The following RARA variants were observed in gnomAD, a reference collection of about 807,000 sequenced individuals.
RARA encodes retinoic acid receptor alpha, also known as PML-DDX5-RARA fusion.
A neutral mutation model predicts 42.8 loss-of-function variants in RARA; 5 were observed. The ratio of observed to expected loss-of-function variants is 0.12; its 90% CI spans 0.06 to 0.25. The LOEUF (loss-of-function observed/expected upper bound fraction) is 0.25. Ranked by LOEUF, RARA falls within the 10% of genes least tolerant of loss-of-function variation. The probability of loss-of-function intolerance (pLI) is 1.00; values close to 1 mark genes in which losing one functional copy is unlikely to be tolerated. For synonymous variants in RARA, 256 were observed against 259.5 expected, an observed-to-expected ratio of 0.99 and a Z score of 0.13; for missense variants, 402 against 628.7, an observed-to-expected ratio of 0.64 and a Z score of 3.86.
chr17:40,325,156 C>G (rs1485707139), intron 1 of RARA, among the ~76,000 whole-genome samples: 2 of 151,916 alleles, frequency 1.3e-5, no homozygotes, highest in East Asian at 3.9e-4. Context: ...GAGGATGAGG[C>G]AGGAGAATCG....
At chr17:40,315,323 G>A (rs1194475502) in intron 1 of RARA, among the ~76,000 whole-genome samples, 1 of 151,632 alleles carries the variant, frequency 6.6e-6, no homozygotes, top group Non-Finnish European at 1.5e-5. Context: ...TAGAATTAAA[G>A]GTGTGAGCCA....
In RARA at chr17:40,352,088, C is replaced by T; in HGVS notation, c.630+18C>T. 2 of 1,542,588 alleles carry T rather than the reference C, an allele frequency of 1.3e-6. No individual in the cohort carries two copies. Among genetic ancestry groups the T allele is most frequent in the Non-Finnish European group, 1.7e-6 (2 of 1,151,140 alleles). On this transcript the variant is annotated intron_variant, in intron 5 of 8. Transcript: ENST00000254066. The surrounding 1 kb of genome is among the most constrained non-coding windows in gnomAD (Gnocchi z 4.9). Reference sequence around the variant, plus strand: ...ACACTACGGTATGGCTTTCCCCCGGCCTGCAGGGTGGGATTTGCCCAGGGC... The same window carrying T: ...ACACTACGGTATGGCTTTCCCCCGGTCTGCAGGGTGGGATTTGCCCAGGGC...
chr17:40,344,715 GTC>G (rs2143420777), intron 2 of RARA, among the ~76,000 whole-genome samples: 1 of 152,346 alleles, frequency 6.6e-6, no homozygotes, highest in African/African-American at 2.4e-5. Flanking sequence ...AGTTCCCGTA[GTC>G]TGAGCGTGGG....
intron 2 of RARA, among the ~76,000 whole-genome samples, chr17:40,333,572 G>A (rs1278264124): frequency 6.6e-6 from 1 of 151,350 alleles, no homozygotes; most frequent in Non-Finnish European, 1.5e-5. Flanking sequence ...CTGGCCTCAA[G>A]TCATCTGCCC....
At chr17:40,342,374 T>C (rs973358191) in intron 2 of RARA, 1 of 1,100,586 alleles carries the variant, frequency 9.1e-7, no homozygotes. Context: ...GCCGCTGTAC[T>C]CTGCCTCGGA....
Position 40,326,074 on chromosome 17 carries a change from A to G in RARA, c.-362-4783A>G, listed in dbSNP as rs2033537672. ...ACACCCCGAATATCCCTTTCCCCACATCCCTCTCCTCCATCCGAGGGAAGC... is the reference window on the plus strand; with the variant it reads ...ACACCCCGAATATCCCTTTCCCCACGTCCCTCTCCTCCATCCGAGGGAAGC... On this transcript the variant is annotated intron_variant, in intron 1 of 8. Transcript: ENST00000254066. The surrounding 1 kb of genome is among the most constrained non-coding windows in gnomAD (Gnocchi z 5.2). 6.6e-6 allele frequency among the ~76,000 whole-genome samples: 1 copy of G among 152,202 alleles called. No homozygotes were observed. The highest frequency in any genetic ancestry group is 2.4e-5 in the African/African-American group (1 of 41,456).
chr17:40,347,713 C>T (rs145673048), intron 2 of RARA, among the ~76,000 whole-genome samples: 11 of 152,104 alleles, frequency 7.2e-5, no homozygotes, highest in African/African-American at 1.7e-4. Context: ...CAGGGAGACA[C>T]CTCCTACTGT....
chr17:40,341,271 T>G, intron 2 of RARA: 1 of 1,340,758 alleles, frequency 7.5e-7, no homozygotes, highest in African/African-American at 1.5e-5. Context: ...AGGAGACACC[T>G]TGGGCGGGGC....
chr17:40,354,394 T>C lies in RARA; in HGVS notation c.900T>C (p.Ala300=). The stretch of plus-strand genomic sequence containing the variant: ...TGAACCGGACCCAGATGCACAACGC[T>C]GGCTTCGGCCCCCTCACCGACCTGG... The part of the protein sequence containing the change: ...LTLNRTQMHN[A]GFGPLTDLVF... Residue 300 remains alanine, a synonymous_variant, in exon 7 of 9, where the codon GCT becomes GCC. Coordinates refer to ENST00000254066, the MANE Select transcript of RARA (RefSeq NM_000964.4). The surrounding 1 kb of genome is among the most constrained non-coding windows in gnomAD (Gnocchi z 4.5). 6.2e-7 allele frequency: 1 copy of C among 1,614,210 alleles called. No homozygotes were observed. Among genetic ancestry groups the C allele is most frequent in the Non-Finnish European group, 8.5e-7 (1 of 1,180,036 alleles).
rs956783037 is a variant in RARA, at chr17:40,354,412, C to T, written c.918C>T (p.Thr306=). Residue 306 remains threonine (T), a synonymous_variant, in exon 7 of 9, where the codon ACC becomes ACT. Transcript: ENST00000254066. The surrounding 1 kb of genome is among the most constrained non-coding windows in gnomAD (Gnocchi z 4.5). ...ACAACGCTGGCTTCGGCCCCCTCAC[C>T]GACCTGGTCTTTGCCTTCGCCAACC... ...QMHNAGFGPL[T]DLVFAFANQL... is the part of the protein sequence containing the mutation. 2.0e-5 allele frequency: 32 copies of T among 1,614,052 alleles called. No homozygotes were observed. The highest frequency in any genetic ancestry group is 1.3e-4 in the Admixed American group (8 of 60,010).
chr17:40,355,911 C>T lies in RARA; in HGVS notation c.1172-98C>T. 9.9e-7 allele frequency: 1 copy of T among 1,005,942 alleles called. No homozygotes were observed. Among genetic ancestry groups the T allele is most frequent in the South Asian group, 1.6e-5 (1 of 61,930 alleles). 62.3% of individuals were successfully genotyped at this position (1,005,942 alleles called of 1,614,324 possible). A position where few individuals can be genotyped will look rare whatever the true frequency, so the allele number is the denominator to read the frequency against. On this transcript the variant is annotated intron_variant, in intron 8 of 8. Transcript: ENST00000254066. This position sits in a 1 kb window ranked among gnomAD's most constrained non-coding sequence, Gnocchi z 4.1. The stretch of plus-strand genomic sequence containing the variant: ...TGAATCCCAAGAAAGATGCTAATAT[C>T]AGCAGTATTGATCTTCCCACCTCGA...
Position 40,356,516 on chromosome 17 carries a change from C to T in RARA, c.*290C>T, listed in dbSNP as rs929787594. 3.1e-6 allele frequency: 2 copies of T among 654,642 alleles called. No homozygotes were observed. The highest frequency in any genetic ancestry group is 5.7e-6 in the Non-Finnish European group (2 of 353,924). 40.6% of individuals were successfully genotyped at this position (654,642 alleles called of 1,614,324 possible). ...GGATGGGTCCTGGGGGCCTCGTGTT[C>T]ATCAAGACACCCCTCTGCCCAGCTC... is the stretch of plus-strand genomic sequence containing the variant. On this transcript the variant is annotated 3_prime_UTR_variant, in exon 9 of 9. Coordinates refer to ENST00000254066, the MANE Select transcript of RARA (RefSeq NM_000964.4).
In RARA at chr17:40,354,328, G is replaced by A. The variant is rs749963678; in HGVS notation, c.834G>A (p.Thr278=). 25 of 1,613,986 alleles carry A rather than the reference G, an allele frequency of 1.5e-5. No homozygotes were observed. Among genetic ancestry groups the A allele is most frequent in the Middle Eastern group, 1.6e-4 (1 of 6,074 alleles). The change falls in exon 7 of 9, where the codon ACG becomes ACA. Residue 278 remains threonine (T), a synonymous_variant. Transcript: ENST00000254066. This position sits in a 1 kb window ranked among gnomAD's most constrained non-coding sequence, Gnocchi z 4.5. ...ILILRICTRY[T]PEQDTMTFSD... is the part of the protein sequence containing the mutation. ...TCCTGCGGATCTGCACGCGGTACAC[G>A]CCCGAGCAGGACACCATGACCTTCT... is the stretch of plus-strand genomic sequence containing the variant.
intron 4 of RARA, among the ~76,000 whole-genome samples, chr17:40,350,889 G>C (rs1337371417): frequency 1.3e-5 from 2 of 151,958 alleles, no homozygotes; most frequent in Non-Finnish European, 2.9e-5. Context: ...CTTAAGGGCT[G>C]TCACCTCCTC....
At chr17:40,317,491 G>C (rs2033239000) in intron 1 of RARA, among the ~76,000 whole-genome samples, 1 of 152,104 alleles carries the variant, frequency 6.6e-6, no homozygotes, top group Non-Finnish European at 1.5e-5. Flanking sequence ...GTTCGGGAGA[G>C]AGAAGCTTGA....
At position 40,348,479 on chromosome 17, in the gene RARA, T is replaced by C. The variant is rs1300338334; in HGVS notation, c.327+15T>C. 2.5e-6 allele frequency: 4 copies of C among 1,609,036 alleles called. No individual in the cohort carries two copies. The highest frequency in any genetic ancestry group is 3.4e-6 in the Non-Finnish European group (4 of 1,177,578). On this transcript the variant is annotated intron_variant, in intron 3 of 8. Transcript: ENST00000254066. Reference sequence around the variant, plus strand: ...AGGGCTGCAAGGTGAGTTGAAGGGGTCATTGGGAAGGACAGCTTGATGAGG... The same window carrying C: ...AGGGCTGCAAGGTGAGTTGAAGGGGCCATTGGGAAGGACAGCTTGATGAGG...
At position 40,354,157 on chromosome 17, in the gene RARA, C is replaced by A; in HGVS notation, c.808-145C>A. The A allele has an allele frequency of 1.4e-6, 1 of 736,686 alleles. No individual in the cohort carries two copies. 45.6% of individuals were successfully genotyped at this position (736,686 alleles called of 1,614,324 possible). ...GGATGGTGCAGACGTAGAACCTTTCCATCATTGTAGAAAATTCTATCAGAC... is the reference window on the plus strand; with the variant it reads ...GGATGGTGCAGACGTAGAACCTTTCAATCATTGTAGAAAATTCTATCAGAC... On this transcript the variant is annotated intron_variant, in intron 6 of 8. Coordinates refer to ENST00000254066, the MANE Select transcript of RARA (RefSeq NM_000964.4). The surrounding 1 kb of genome is among the most constrained non-coding windows in gnomAD (Gnocchi z 4.5).
Position 40,356,860 on chromosome 17 carries a change from G to T in RARA, c.*634G>T. 3.8e-5 allele frequency: 12 copies of T among 316,752 alleles called. No homozygotes were observed. The highest frequency in any genetic ancestry group is 2.6e-4 in the South Asian group (7 of 26,590). The allele number at this position is 316,752 out of a possible 1,614,324, so 19.6% of individuals were successfully genotyped here. A position where few individuals can be genotyped will look rare whatever the true frequency, so the allele number is the denominator to read the frequency against. On this transcript the variant is annotated 3_prime_UTR_variant, in exon 9 of 9. Transcript: ENST00000254066. Reference sequence around the variant, plus strand: ...CTGGATCCAGAGCTGGAGGGGGTGGGTCCGGGGGAGGGAGTGGCTCGGAAG... The same window carrying T: ...CTGGATCCAGAGCTGGAGGGGGTGGTTCCGGGGGAGGGAGTGGCTCGGAAG...
At position 40,314,253 on chromosome 17, in the gene RARA, C is replaced by T. The variant is rs548013051; in HGVS notation, c.-363+4967C>T. Among the ~76,000 whole-genome samples the T allele has an allele frequency of 1.7e-3, 261 of 151,760 alleles. 2 individuals carry two copies. In the Middle Eastern group the frequency reaches 0.041, roughly 24 times the overall value. ...GCCCACCCCATCAGCTCTGGTAACT[C>T]AATCCCTGCACCCCACCCTCCCAAT... On this transcript the variant is annotated intron_variant, in intron 1 of 8. Transcript: ENST00000254066.
Sources: allele counts gnomAD v4.1 joint callset (sites outside exome capture counted in the v4.1 genomes callset), GRCh38; gene constraint gnomAD v4.1.1; non-coding constraint Gnocchi (gnomAD v3.1); transcripts MANE v1.5; gene names NCBI Gene and HGNC (gene_info 2026-07-23, HGNC 2026-07-21).